Variants in EML4 observed in about 807,000 individuals in gnomAD.
The protein encoded by EML4 is echinoderm microtubule-associated protein-like 4.
EML4 carries 72 observed loss-of-function variants against 129.0 expected under a neutral mutation model. The ratio of observed to expected loss-of-function variants is 0.56; its 90% confidence interval spans 0.46 to 0.68. The LOEUF is 0.68. EML4 is among the 30% of genes least tolerant of loss of function. EML4 has a pLI of 0.00. For missense variants in EML4, 1,363 were observed against 1,190.6 expected (o/e 1.14, Z -2.13); for synonymous variants, 532 against 405.0 (o/e 1.31, Z -3.77).
intron 6 of EML4, among the ~76,000 whole-genome samples, chr2:42,266,478 G>T (rs558010163): frequency 6.6e-6 from 1 of 152,194 alleles, no homozygotes; most frequent in Admixed American, 6.5e-5. Context: ...CCAAGTAGCT[G>T]GGACTACAGG....
intron 9 of EML4, among the ~76,000 whole-genome samples, chr2:42,285,099 G>C (rs1045514689): frequency 6.6e-6 from 1 of 151,662 alleles, no homozygotes; most frequent in Non-Finnish European, 1.5e-5. Flanking sequence ...TATAGGGGTG[G>C]AATCTCACTT....
chr2:42,264,728 C>A lies in EML4; in HGVS notation c.664C>A (p.Gln222Lys), dbSNP rs1237219050. The stretch of plus-strand genomic sequence containing the variant: ...TAGGCATAAAGATGTCATCATCAAC[C>A]AAGGTAAATTAAAAATCCTTTTAAA... ...ADKHKDVIIN[Q>K]EGEYIKMFMR... is the part of the protein sequence containing the mutation. Residue 222 changes from glutamine (Q) to lysine (K), a missense_variant, in exon 6 of 23, where the codon CAA (glutamine) becomes AAA (lysine). Transcript: ENST00000318522. 6.9e-7 allele frequency: 1 copy of A among 1,453,144 alleles called. No homozygotes were observed. The highest frequency in any genetic ancestry group is 9.5e-7 in the Non-Finnish European group (1 of 1,048,802). 90.0% of individuals were successfully genotyped at this position (1,453,144 alleles called of 1,614,324 possible).
chr2:42,307,698 G>T (rs1458721737), intron 17 of EML4, among the ~76,000 whole-genome samples: 2 of 152,088 alleles, frequency 1.3e-5, no homozygotes, highest in African/African-American at 4.8e-5. Context: ...CTTTTGCCCA[G>T]GCTGGAGTGC....
chr2:42,322,287 G>A (rs1337577691), intron 19 of EML4, among the ~76,000 whole-genome samples: 1 of 152,232 alleles, frequency 6.6e-6, no homozygotes, highest in Non-Finnish European at 1.5e-5. Context: ...TTCCCTGAGA[G>A]TGCAGCAACG....
intron 6 of EML4, among the ~76,000 whole-genome samples, chr2:42,268,382 T>C (rs1040136334): frequency 1.4e-4 from 22 of 152,144 alleles, no homozygotes; most frequent in Non-Finnish European, 3.1e-4. Context: ...CTGCAGGAGA[T>C]CCTAGAACCA....
At chr2:42,192,728 G>A (rs534641410) in intron 1 of EML4, among the ~76,000 whole-genome samples, 1 of 152,220 alleles carries the variant, frequency 6.6e-6, no homozygotes, top group South Asian at 2.1e-4. Flanking sequence ...TAGAATAACT[G>A]GCTCCCACTA....
At chr2:42,306,011 C>A (rs1246868468) in intron 17 of EML4, among the ~76,000 whole-genome samples, 1 of 152,078 alleles carries the variant, frequency 6.6e-6, no homozygotes, top group East Asian at 1.9e-4. Context: ...AAAAATAGGT[C>A]TTTAAAGATA....
intron 1 of EML4, among the ~76,000 whole-genome samples, chr2:42,238,590 T>G (rs1031783868): frequency 2.0e-5 from 3 of 151,130 alleles, no homozygotes; most frequent in Non-Finnish European, 4.4e-5. Context: ...AAAAAGAAAA[T>G]TAAAAATGTA....
At chr2:42,185,362 C>A (rs1460097701) in intron 1 of EML4, among the ~76,000 whole-genome samples, 1 of 152,190 alleles carries the variant, frequency 6.6e-6, no homozygotes, top group Non-Finnish European at 1.5e-5. Flanking sequence ...TAGGGATTGT[C>A]TGTAACTGCT....
chr2:42,197,819 C>G (rs928447670), intron 1 of EML4, among the ~76,000 whole-genome samples: 1 of 152,154 alleles, frequency 6.6e-6, no homozygotes, highest in Admixed American at 6.5e-5. Flanking sequence ...GAAATAACTC[C>G]AGATGTGCTC....
chr2:42,278,122 A>G (rs990375182), intron 6 of EML4, among the ~76,000 whole-genome samples: 2 of 152,302 alleles, frequency 1.3e-5, no homozygotes, highest in African/African-American at 2.4e-5. Context: ...TTTCCCATGT[A>G]TTTGTACTAA....
intron 18 of EML4, 143 bp from the exon 19 acceptor site, chr2:42,317,284 T>C (rs1669292920): frequency 5.2e-6 from 3 of 579,660 alleles, no homozygotes; most frequent in East Asian, 6.0e-5. Context: ...ATTTTTCAAA[T>C]GTACTTAGTG....
chr2:42,273,812 T>A (rs1666506788), intron 6 of EML4, among the ~76,000 whole-genome samples: 1 of 152,180 alleles, frequency 6.6e-6, no homozygotes, highest in Admixed American at 6.5e-5. Flanking sequence ...TTTAGTTTAT[T>A]TGGTTATCTA....
At chr2:42,182,800 C>T (rs1386181602) in intron 1 of EML4, among the ~76,000 whole-genome samples, 1 of 152,132 alleles carries the variant, frequency 6.6e-6, no homozygotes, top group South Asian at 2.1e-4. Context: ...GGTCAGAAAT[C>T]AATGTTTCAT....
intron 8 of EML4, 37 bp from the exon 9 acceptor site, chr2:42,284,597 T>G: frequency 1.4e-6 from 2 of 1,476,566 alleles, no homozygotes; most frequent in Non-Finnish European, 1.9e-6. Flanking sequence ...GTTTCATGTT[T>G]CCTGTGTTTA....
Position 42,185,395 on chromosome 2 carries a change from G to C in EML4, c.25+15759G>C, listed in dbSNP as rs1671190332. 2.0e-5 allele frequency among the ~76,000 whole-genome samples: 3 copies of C among 152,300 alleles called. No individual in the cohort carries two copies. The South Asian group carries it at 6.2e-4, about 32-fold the overall frequency. ...GCTGTCACATGACACTGGCAGCGTA[G>C]AGTAGTAGTAACAGAGACCAAATGG... On this transcript the variant is annotated intron_variant, in intron 1 of 22. Coordinates refer to ENST00000318522, the MANE Select transcript of EML4 (RefSeq NM_019063.5).
At chr2:42,278,379 A>C (rs1004655129) in intron 6 of EML4, among the ~76,000 whole-genome samples, 2 of 151,936 alleles carry the variant, frequency 1.3e-5, no homozygotes, top group African/African-American at 4.8e-5. Context: ...TTTGAGACCA[A>C]TCTGGCCAAC....
At chr2:42,251,739 A>T (rs1482850339) in intron 2 of EML4, among the ~76,000 whole-genome samples, 1 of 152,254 alleles carries the variant, frequency 6.6e-6, no homozygotes, top group Non-Finnish European at 1.5e-5. Flanking sequence ...GATTTGGGAT[A>T]TCAACTAGAC....
intron 1 of EML4, among the ~76,000 whole-genome samples, chr2:42,223,325 A>G (rs1456368695): frequency 2.0e-5 from 3 of 152,124 alleles, no homozygotes; most frequent in Admixed American, 1.3e-4. Context: ...CACCACTACA[A>G]ATGTCCTAAC....
Sources: allele counts gnomAD v4.1 joint callset (sites outside exome capture counted in the v4.1 genomes callset), GRCh38; gene constraint gnomAD v4.1.1; transcripts MANE v1.5; gene names NCBI Gene and HGNC (gene_info 2026-07-23, HGNC 2026-07-21).